COMMD10: variants seen among roughly 807,000 people sequenced by gnomAD.
The protein encoded by COMMD10 is COMM domain-containing protein 10.
Under a neutral mutation model 28.9 loss-of-function variants are expected in COMMD10, and 33 were observed. That is an observed-to-expected ratio of 1.14 (90% CI 0.87 to 1.53). The LOEUF is 1.53. Among genes scored for constraint, COMMD10 ranks in the 40% most tolerant of loss-of-function variants. The pLI, the probability that COMMD10 is intolerant of heterozygous loss-of-function variation, is 0.00. For missense variants in COMMD10, 310 were observed against 233.4 expected (o/e 1.33, Z -2.14); for synonymous variants, 110 against 81.7 (o/e 1.35, Z -1.87).
At chr5:116,116,820 G>A (rs1311132930) in intron 4 of COMMD10, among the ~76,000 whole-genome samples, 2 of 150,590 alleles carry the variant, frequency 1.3e-5, no homozygotes, top group African/African-American at 2.4e-5. Context: ...CCGGGTTCAC[G>A]CCATTCTCCT....
Position 116,292,337 on chromosome 5 carries a change from T to C in COMMD10, c.571-114T>C, listed in dbSNP as rs112917070. The C allele has an allele frequency of 5.3e-3, 2,816 of 531,156 alleles. 13 individuals carry two copies. Among genetic ancestry groups the C allele is most frequent in the Non-Finnish European group, 8.0e-3 (2,504 of 313,122 alleles). The allele number at this position is 531,156 out of a possible 1,614,324, so 32.9% of individuals were successfully genotyped here. On this transcript the variant is annotated intron_variant, in intron 6 of 6. Coordinates refer to ENST00000274458, the MANE Select transcript of COMMD10 (RefSeq NM_016144.4). ...TATTGCTATGTGAATGGATTTAATA[T>C]TCATAGTTACCAGTGCTATTTTTTC...
At chr5:116,246,630 CA>C (rs112946659) in intron 5 of COMMD10, among the ~76,000 whole-genome samples, 21 of 151,800 alleles carry the variant, frequency 1.4e-4, no homozygotes, top group South Asian at 2.1e-4. Flanking sequence ...GGTATTAGTA[CA>C]AAAAAAGACA....
At chr5:116,278,643 C>T (rs1285107602) in intron 5 of COMMD10, among the ~76,000 whole-genome samples, 4 of 151,748 alleles carry the variant, frequency 2.6e-5, no homozygotes, top group Non-Finnish European at 2.9e-5. Flanking sequence ...CTCTCTTATA[C>T]GATTTTTATA....
At chr5:116,245,965 G>C (rs1749942225) in intron 5 of COMMD10, among the ~76,000 whole-genome samples, 1 of 152,124 alleles carries the variant, frequency 6.6e-6, no homozygotes, top group Non-Finnish European at 1.5e-5. Flanking sequence ...ATTCAACATA[G>C]TATTGGAAGT....
intron 5 of COMMD10, among the ~76,000 whole-genome samples, chr5:116,204,090 C>T (rs1327875904): frequency 6.6e-6 from 1 of 151,986 alleles, no homozygotes; most frequent in African/African-American, 2.4e-5. Context: ...GGGTTGCATC[C>T]TAGTCTCTGA....
chr5:116,288,811 A>G (rs1401870595), intron 5 of COMMD10, among the ~76,000 whole-genome samples: 1 of 126,408 alleles, frequency 7.9e-6, no homozygotes, highest in Non-Finnish European at 1.8e-5. Context: ...GTTTTTCTTG[A>G]TGTTCTCGTT....
chr5:116,264,486 A>C (rs1750530796), intron 5 of COMMD10, among the ~76,000 whole-genome samples: 1 of 151,746 alleles, frequency 6.6e-6, no homozygotes, highest in Admixed American at 6.6e-5. Flanking sequence ...TTAGCATGCA[A>C]AGATTATATT....
rs941110307 is a variant in COMMD10, at chr5:116,103,797, C to T, written c.399+11097C>T. Among the ~76,000 whole-genome samples, 3 of 151,916 alleles carry T rather than the reference C, an allele frequency of 2.0e-5. No individual in the cohort carries two copies. In the East Asian group the frequency reaches 5.8e-4, roughly 29 times the overall value. On this transcript the variant is annotated intron_variant, in intron 4 of 6. Transcript: ENST00000274458. ...TTTAGGGTTTTTATGATTTTTAAGT[C>T]TTTAATCTATCTTGACTTAATTTTT...
Position 116,185,296 on chromosome 5 carries a change from T to C in COMMD10, c.510+51118T>C, listed in dbSNP as rs145137999. 3.9e-5 allele frequency among the ~76,000 whole-genome samples: 6 copies of C among 152,204 alleles called. No homozygotes were observed. The East Asian group carries it at 1.2e-3, about 29-fold the overall frequency. On this transcript the variant is annotated intron_variant, in intron 5 of 6. Coordinates refer to ENST00000274458, the MANE Select transcript of COMMD10 (RefSeq NM_016144.4). ...CTGAGTCCTAGGTGTCTTCTAGATA[T>C]AAATATGTGGGAAGGACAAAGGCAA... is the stretch of plus-strand genomic sequence containing the variant.
chr5:116,121,301 G>T (rs973278876), intron 4 of COMMD10, among the ~76,000 whole-genome samples: 1 of 152,160 alleles, frequency 6.6e-6, no homozygotes, highest in South Asian at 2.1e-4. Flanking sequence ...TTCCTGCAAA[G>T]GACATGAACT....
Position 116,170,261 on chromosome 5 carries a change from T to C in COMMD10, c.510+36083T>C, listed in dbSNP as rs58649884. ...CAATTGCTACAGAGAGAACAAAATA[T>C]CTAGAAATACAACTTACAAGGGATG... On this transcript the variant is annotated intron_variant, in intron 5 of 6. Transcript: ENST00000274458. Among the ~76,000 whole-genome samples, 1,202 of 152,022 alleles carry C rather than the reference T, an allele frequency of 7.9e-3. 16 individuals carry two copies. The highest frequency in any genetic ancestry group is 0.027 in the African/African-American group (1,110 of 41,440).
chr5:116,180,348 A>G (rs1005135263), intron 5 of COMMD10, among the ~76,000 whole-genome samples: 11 of 152,128 alleles, frequency 7.2e-5, no homozygotes, highest in African/African-American at 2.4e-4. Flanking sequence ...ATATTTTAAA[A>G]TATGTTCACT....
chr5:116,105,222 T>C (rs1451699878), intron 4 of COMMD10, among the ~76,000 whole-genome samples: 1 of 152,184 alleles, frequency 6.6e-6, no homozygotes, highest in Non-Finnish European at 1.5e-5. Context: ...ATAATCTTGT[T>C]GTTTTTTCAT....
chr5:116,186,122 A>G (rs982392272), intron 5 of COMMD10, among the ~76,000 whole-genome samples: 1 of 152,148 alleles, frequency 6.6e-6, no homozygotes, highest in African/African-American at 2.4e-5. Context: ...ACGTTTAAAC[A>G]TGTTCAAATA....
rs554875192 is a variant in COMMD10 at position 116,128,690 on chromosome 5, A to T, written c.400-5378A>T. ...TATCTTGTTTATGTCAGCAATGCCT[A>T]CTATAGGTCTGGCAAATAATATAAG... On this transcript the variant is annotated intron_variant, in intron 4 of 6. Coordinates refer to ENST00000274458, the MANE Select transcript of COMMD10 (RefSeq NM_016144.4). Among the ~76,000 whole-genome samples, 7 of 151,982 alleles carry T rather than the reference A, an allele frequency of 4.6e-5. No individual in the cohort carries two copies. In the East Asian group the frequency reaches 1.3e-3, roughly 29 times the overall value.
At chr5:116,086,080 T>G (rs1452273872) in intron 1 of COMMD10, among the ~76,000 whole-genome samples, 2 of 152,182 alleles carry the variant, frequency 1.3e-5, no homozygotes, top group African/African-American at 4.8e-5. Context: ...TTTTTGGGAA[T>G]TTAAATACCC....
chr5:116,190,118 A>G (rs1010546883), intron 5 of COMMD10, among the ~76,000 whole-genome samples: 2 of 152,170 alleles, frequency 1.3e-5, no homozygotes, highest in African/African-American at 4.8e-5. Context: ...AAAGATAGCT[A>G]TTGCAGCTTC....
chr5:116,202,583 T>G (rs1374082982), intron 5 of COMMD10, among the ~76,000 whole-genome samples: 3 of 151,946 alleles, frequency 2.0e-5, no homozygotes, highest in African/African-American at 7.3e-5. Context: ...CCATTCTAAG[T>G]GGTGTGAGAT....
intron 5 of COMMD10, among the ~76,000 whole-genome samples, chr5:116,202,091 G>T (rs959311386): frequency 1.5e-5 from 2 of 136,214 alleles, no homozygotes; most frequent in African/African-American, 5.6e-5. Context: ...CTGTGTCCAT[G>T]TGTTCTCATT....
Sources: gnomAD v4.1 joint callset for allele counts (sites outside exome capture counted in the v4.1 genomes callset) on GRCh38, gnomAD v4.1.1 for gene constraint, MANE v1.5 for transcripts, NCBI Gene and HGNC (gene_info 2026-07-23, HGNC 2026-07-21) for gene names.